Variants in RPN1 observed in about 807,000 individuals in gnomAD.
The protein encoded by RPN1 is ribophorin I.
RPN1 carries 12 observed loss-of-function variants against 55.5 expected under a neutral mutation model. That is an observed-to-expected ratio of 0.22 (90% CI 0.14 to 0.35). The LOEUF is 0.35. Among genes scored for constraint, RPN1 ranks in the 10% least tolerant of loss-of-function variants. RPN1 has a pLI of 1.00. For synonymous variants in RPN1, 317 were observed against 305.9 expected, an observed-to-expected ratio of 1.04 and a Z score of -0.38; for missense variants, 679 against 761.3, an observed-to-expected ratio of 0.89 and a Z score of 1.27.
intron 2 of RPN1, among the ~76,000 whole-genome samples, chr3:128,642,063 T>C (rs1340418782): frequency 6.6e-6 from 1 of 152,170 alleles, no homozygotes; most frequent in East Asian, 1.9e-4. Context: ...CTAAGTTACC[T>C]TGCCTATCCA....
chr3:128,622,187 C>CT lies in RPN1; in HGVS notation c.1617dup (p.Glu540ArgfsTer4). On this transcript the variant is annotated frameshift_variant, in exon 9 of 10. Transcript: ENST00000296255. LOFTEE classifies it high-confidence loss of function. The stretch of plus-strand genomic sequence containing the variant: ...ACTCTGTCGCACAGATCAGAGCCCT[C>CT]TGTCTTCAGCCTGGACTGCAGCAGT... 6.2e-7 allele frequency: 1 copy of CT among 1,614,240 alleles called. No homozygotes were observed. Among genetic ancestry groups the CT allele is most frequent in the Non-Finnish European group, 8.5e-7 (1 of 1,180,030 alleles).
At chr3:128,640,256 C>T (rs1412168511) in intron 2 of RPN1, among the ~76,000 whole-genome samples, 2 of 152,004 alleles carry the variant, frequency 1.3e-5, no homozygotes, top group Non-Finnish European at 2.9e-5. Flanking sequence ...GTTTTCCAAG[C>T]CAGGAGAACA....
chr3:128,624,096 T>A (rs1442866422), intron 8 of RPN1, among the ~76,000 whole-genome samples: 1 of 152,090 alleles, frequency 6.6e-6, no homozygotes, highest in Non-Finnish European at 1.5e-5. Flanking sequence ...GTCAGCCCTG[T>A]GAAACCCAAG....
At chr3:128,626,870 A>G in intron 5 of RPN1, 38 bp from the exon 6 acceptor site, 1 of 1,582,382 alleles carries the variant, frequency 6.3e-7, no homozygotes. Flanking sequence ...GATGTGGAAA[A>G]CGGATCAAAT....
chr3:128,637,222 A>G (rs972190413), intron 3 of RPN1, among the ~76,000 whole-genome samples: 11 of 152,006 alleles, frequency 7.2e-5, no homozygotes, highest in Non-Finnish European at 1.3e-4. Flanking sequence ...TGGGCAACAG[A>G]GCAGGATCCT....
intron 8 of RPN1, among the ~76,000 whole-genome samples, chr3:128,624,822 G>A (rs554184110): frequency 6.6e-6 from 1 of 151,882 alleles, no homozygotes; most frequent in South Asian, 2.1e-4. Context: ...GCAACAGAGC[G>A]AGACTCCATC....
chr3:128,625,125 C>T (rs1395598306), intron 8 of RPN1, among the ~76,000 whole-genome samples: 2 of 152,066 alleles, frequency 1.3e-5, no homozygotes, highest in East Asian at 3.9e-4. Context: ...GTGGGGAGAA[C>T]GGTGCTGACA....
In RPN1 at chr3:128,626,724, C is replaced by T. The variant is rs368209442; in HGVS notation, c.1136+9G>A. The T allele has an allele frequency of 2.5e-6, 4 of 1,613,088 alleles. No individual in the cohort carries two copies. Among genetic ancestry groups the T allele is most frequent in the Non-Finnish European group, 3.4e-6 (4 of 1,179,140 alleles). On this transcript the variant is annotated intron_variant, in intron 6 of 9. Transcript: ENST00000296255. Reference sequence around the variant, plus strand: ...ATCGGGTGCAAAGGAGAGGAACAGTCACACTCACTTGGCTCCTTCAGGCAG... The same window carrying T: ...ATCGGGTGCAAAGGAGAGGAACAGTTACACTCACTTGGCTCCTTCAGGCAG...
intron 4 of RPN1, among the ~76,000 whole-genome samples, chr3:128,631,338 C>A (rs1218408725): frequency 6.6e-6 from 1 of 151,232 alleles, no homozygotes; most frequent in Non-Finnish European, 1.5e-5. Flanking sequence ...ATTAGCCAGG[C>A]TTGGTGGTGC....
chr3:128,641,459 C>A (rs907729221), intron 2 of RPN1, among the ~76,000 whole-genome samples: 1 of 152,124 alleles, frequency 6.6e-6, no homozygotes, highest in African/African-American at 2.4e-5. Context: ...TAACTAAACA[C>A]ACCATGAAAT....
chr3:128,631,126 A>T lies in RPN1; in HGVS notation c.843+822T>A, dbSNP rs549910204. 2.7e-3 allele frequency among the ~76,000 whole-genome samples: 396 copies of T among 148,386 alleles called. 2 individuals are homozygous for T. Among genetic ancestry groups the T allele is most frequent in the African/African-American group, 7.5e-3 (303 of 40,152 alleles). On this transcript the variant is annotated intron_variant, in intron 4 of 9. Coordinates refer to ENST00000296255, the MANE Select transcript of RPN1 (RefSeq NM_002950.4). ...AGACTCTGTCTCCAAAAAAAAAAAA[A>T]ATATATGGTTTAGGCTGGGCATGGT...
At chr3:128,639,044 G>A (rs886169058) in intron 2 of RPN1, among the ~76,000 whole-genome samples, 4 of 152,090 alleles carry the variant, frequency 2.6e-5, no homozygotes, top group African/African-American at 4.8e-5. Flanking sequence ...ATAGAATATT[G>A]GCAGTCATTA....
chr3:128,633,143 TTC>T (rs2107716629), intron 3 of RPN1, among the ~76,000 whole-genome samples: 1 of 152,290 alleles, frequency 6.6e-6, no homozygotes, highest in African/African-American at 2.4e-5. Flanking sequence ...AACCGGCAGT[TTC>T]ACACACTGGA....
chr3:128,635,614 TATATATATATATATATATATATATAG>T (rs1410352286), intron 3 of RPN1, among the ~76,000 whole-genome samples: 221 of 4,264 alleles, frequency 0.052, 1 homozygote, highest in African/African-American at 0.17. Context: ...TAACTTGAGA[TATATATATATATATATATATATATAG>T]ATATATATAT....
At chr3:128,645,129 A>G in intron 1 of RPN1, 146 bp from the exon 2 acceptor site, 1 of 608,060 alleles carries the variant, frequency 1.6e-6, no homozygotes. Flanking sequence ...TTCAGTAACA[A>G]TTTTTTTTTC....
chr3:128,648,651 C>T (rs1246377222), intron 1 of RPN1, among the ~76,000 whole-genome samples: 1 of 152,192 alleles, frequency 6.6e-6, no homozygotes, highest in African/African-American at 2.4e-5. Context: ...TATACATCTC[C>T]TTGTTAAGTT....
At chr3:128,621,957 GCTTC>G (rs1449751273) in intron 9 of RPN1, among the ~76,000 whole-genome samples, 1 of 152,198 alleles carries the variant, frequency 6.6e-6, no homozygotes, top group Non-Finnish European at 1.5e-5. Flanking sequence ...GGCTAGCAGA[GCTTC>G]CTCCACACCC....
rs562631853 is a variant in RPN1, at chr3:128,621,536, TCA to T, written c.1641+626_1641+627del. On this transcript the variant is annotated intron_variant, in intron 9 of 9. Coordinates refer to ENST00000296255, the MANE Select transcript of RPN1 (RefSeq NM_002950.4). The stretch of plus-strand genomic sequence containing the variant: ...AAAGTGGTAGGTGCTATGAGGAAAT[TCA>T]CACAGAGTGAGGAGAGGGAATGCCA... 2.8e-3 allele frequency among the ~76,000 whole-genome samples: 424 copies of T among 152,264 alleles called. 3 individuals are homozygous for T. The highest frequency in any genetic ancestry group is 0.014 in the Middle Eastern group (4 of 294).
intron 1 of RPN1, among the ~76,000 whole-genome samples, chr3:128,649,790 G>A (rs780827277): frequency 6.6e-6 from 1 of 152,186 alleles, no homozygotes; most frequent in Non-Finnish European, 1.5e-5. Flanking sequence ...GCAGCAGGGG[G>A]AAGGGAGAAA....
Sources: allele counts gnomAD v4.1 joint callset (sites outside exome capture counted in the v4.1 genomes callset), GRCh38; gene constraint gnomAD v4.1.1; transcripts MANE v1.5; gene names NCBI Gene and HGNC (gene_info 2026-07-23, HGNC 2026-07-21).